The following CENPK variants were observed in gnomAD, a reference collection of about 807,000 sequenced individuals.
The protein encoded by CENPK is SoxLZ/Sox6-binding protein Solt.
In CENPK, 46 loss-of-function variants were observed where a neutral mutation model predicts 40.9. The ratio of observed to expected loss-of-function variants is 1.13; its 90% confidence interval spans 0.89 to 1.44. The LOEUF is 1.44. CENPK is among the 40% of genes most tolerant of loss of function. The pLI is 0.00. For synonymous variants in CENPK, 107 were observed against 104.4 expected, an observed-to-expected ratio of 1.02 and a Z score of -0.15; for missense variants, 288 against 303.5, an observed-to-expected ratio of 0.95 and a Z score of 0.38.
the CENPK span, among the ~76,000 whole-genome samples, chr5:65,503,760 C>T: frequency 7.3e-5 from 11 of 151,418 alleles, no homozygotes; most frequent in African/African-American, 2.2e-4. Context: ...TGGGTTCAAG[C>T]AATTCTCTGC....
chr5:65,547,580 A>T (rs2150488217), intron 5 of CENPK, among the ~76,000 whole-genome samples: 1 of 152,320 alleles, frequency 6.6e-6, no homozygotes, highest in African/African-American at 2.4e-5. Flanking sequence ...TGACATTGGC[A>T]TGAAGACAGT....
rs555925629 is a variant in CENPK at position 65,542,704 on chromosome 5, T to C, written c.288+98A>G. On this transcript the variant is annotated intron_variant, in intron 6 of 10. Coordinates refer to ENST00000396679, the MANE Select transcript of CENPK (RefSeq NM_022145.5). Reference sequence around the variant, plus strand: ...AAAAGCAGAAAATTTAATATGGTTTTAGAGTGGTTTTATCCTATTTCTTAT... The same window carrying C: ...AAAAGCAGAAAATTTAATATGGTTTCAGAGTGGTTTTATCCTATTTCTTAT... The C allele has an allele frequency of 3.3e-5, 27 of 824,368 alleles. No individual in the cohort carries two copies. The East Asian group carries it at 5.9e-4, about 18-fold the overall frequency. 51.1% of individuals were successfully genotyped at this position (824,368 alleles called of 1,614,324 possible).
At chr5:65,534,571 T>C (rs1464429419) in intron 6 of CENPK, among the ~76,000 whole-genome samples, 2 of 152,002 alleles carry the variant, frequency 1.3e-5, no homozygotes, top group South Asian at 2.1e-4. Flanking sequence ...AGTTCAGAAA[T>C]AGATACACAT....
chr5:65,527,099 A>G (rs1208379323), intron 9 of CENPK, among the ~76,000 whole-genome samples: 1 of 152,120 alleles, frequency 6.6e-6, no homozygotes, highest in Non-Finnish European at 1.5e-5. Context: ...TCGGTCCCCA[A>G]AAATAAAAAT....
intron 6 of CENPK, among the ~76,000 whole-genome samples, chr5:65,531,310 C>T (rs1745767059): frequency 6.6e-6 from 1 of 151,698 alleles, no homozygotes; most frequent in African/African-American, 2.4e-5. Flanking sequence ...CAAAAACATA[C>T]ATCTAAATAA....
At chr5:65,546,234 C>G (rs990842686) in intron 5 of CENPK, among the ~76,000 whole-genome samples, 55 of 125,892 alleles carry the variant, frequency 4.4e-4, no homozygotes, top group African/African-American at 1.4e-3. Context: ...CCCTGCCCCC[C>G]CGCTCAGGTG....
At chr5:65,553,947 CT>C (rs751464793) in intron 3 of CENPK, among the ~76,000 whole-genome samples, 1 of 152,140 alleles carries the variant, frequency 6.6e-6, no homozygotes, top group Non-Finnish European at 1.5e-5. Flanking sequence ...CAACAAAATC[CT>C]TTATGTTCTG....
At chr5:65,515,204 A>AAT (rs35708852), downstream of CENPK, among the ~76,000 whole-genome samples, 48 of 124,048 alleles carry the variant, frequency 3.9e-4, 1 homozygote, top group African/African-American at 9.6e-4. Flanking sequence ...TCTCAAAAAA[A>AAT]TTTTTTTTTT....
rs562051258 is a variant in CENPK at position 65,526,910 on chromosome 5, C to T, written c.597+1542G>A. Among the ~76,000 whole-genome samples the T allele has an allele frequency of 6.6e-5, 10 of 152,104 alleles. No homozygotes were observed. The South Asian group carries it at 2.1e-3, about 32-fold the overall frequency. ...GAGTTCGAGACCAGCCTGGCCAACA[C>T]GGTGAAACCCTGTCTACTAGAAATA... On this transcript the variant is annotated intron_variant, in intron 9 of 10. Coordinates refer to ENST00000396679, the MANE Select transcript of CENPK (RefSeq NM_022145.5).
intron 9 of CENPK, among the ~76,000 whole-genome samples, chr5:65,527,068 G>A (rs1411031902): frequency 6.6e-6 from 1 of 151,970 alleles, no homozygotes; most frequent in African/African-American, 2.4e-5. Flanking sequence ...TTGCACTCCA[G>A]CCTGGGTGAC....
chr5:65,517,396 C>A (rs1474733624), downstream of CENPK, among the ~76,000 whole-genome samples: 1 of 152,058 alleles, frequency 6.6e-6, no homozygotes, highest in Admixed American at 6.6e-5. Flanking sequence ...AAAAGTTGCT[C>A]ACTTCTTCAA....
intron 3 of CENPK, among the ~76,000 whole-genome samples, chr5:65,553,435 G>GCTGGCC (rs770057204): frequency 0.2 from 30,000 of 151,692 alleles, 3,476 homozygotes; most frequent in South Asian, 0.32. Flanking sequence ...ATCCTGGGCC[G>GCTGGCC]CAGGTTGGAC....
At chr5:65,521,402 T>C in intron 10 of CENPK, 73 bp downstream of exon 10, 1 of 1,128,744 alleles carries the variant, frequency 8.9e-7, no homozygotes, top group South Asian at 1.4e-5. Context: ...TTTTTGTTTT[T>C]CAAGTCTGAG....
At chr5:65,511,253 C>T in the CENPK span, among the ~76,000 whole-genome samples, 1 of 152,132 alleles carries the variant, frequency 6.6e-6, no homozygotes, top group Non-Finnish European at 1.5e-5. Context: ...AACATAAAAG[C>T]GCAAGGGGAA....
chr5:65,506,201 T>A, the CENPK span, among the ~76,000 whole-genome samples: 4 of 147,194 alleles, frequency 2.7e-5, no homozygotes, highest in African/African-American at 1.0e-4. Flanking sequence ...CTGGGCAACA[T>A]AGCAAGATCC....
chr5:65,536,768 T>C (rs574164419), intron 6 of CENPK, among the ~76,000 whole-genome samples: 9 of 152,364 alleles, frequency 5.9e-5, no homozygotes, highest in Non-Finnish European at 1.2e-4. Flanking sequence ...AATTTCATAA[T>C]TCGACTTTAG....
the CENPK span, among the ~76,000 whole-genome samples, chr5:65,505,877 A>G: frequency 3.3e-5 from 5 of 152,086 alleles, no homozygotes; most frequent in Admixed American, 3.3e-4. Flanking sequence ...TACATTTCTT[A>G]TCCATGCTTC....
intron 6 of CENPK, chr5:65,541,315 A>G (rs1747933491): frequency 2.2e-6 from 1 of 449,958 alleles, no homozygotes; most frequent in African/African-American, 2.0e-5. Context: ...GGGGTCAGGC[A>G]TGTGGGACTG....
chr5:65,513,421 A>G (rs1394282306), downstream of CENPK, among the ~76,000 whole-genome samples: 1 of 152,212 alleles, frequency 6.6e-6, no homozygotes, highest in Non-Finnish European at 1.5e-5. Context: ...TAGTCTTCCT[A>G]CCCATGAATA....
Sources: allele counts gnomAD v4.1 joint callset (sites outside exome capture counted in the v4.1 genomes callset), GRCh38; gene constraint gnomAD v4.1.1; transcripts MANE v1.5; gene names NCBI Gene and HGNC (gene_info 2026-07-23, HGNC 2026-07-21).